The following AGBL1 variants were observed in gnomAD, a reference collection of about 807,000 sequenced individuals.
AGBL1 encodes AGBL carboxypeptidase 1, also known as cytosolic carboxypeptidase 4.
Under a neutral mutation model 118.9 loss-of-function variants are expected in AGBL1, and 130 were observed. The observed-to-expected ratio is 1.09, with a 90% confidence interval of 0.95 to 1.26. The LOEUF is 1.26. Ranked by LOEUF, AGBL1 falls within the 50% of genes most tolerant of loss-of-function variation. The pLI is 0.00. For synonymous variants in AGBL1, 555 were observed against 478.9 expected (o/e 1.16, Z -2.08); for missense variants, 1,584 against 1,298.1 (o/e 1.22, Z -3.38).
At chr15:86,870,532 G>A (rs907356674) in intron 22 of AGBL1, among the ~76,000 whole-genome samples, 4 of 141,868 alleles carry the variant, frequency 2.8e-5, no homozygotes, top group African/African-American at 1.1e-4. Flanking sequence ...TTTCCCTTTG[G>A]CATTTAAACA....
At chr15:86,397,593 A>T (rs565902475) in intron 18 of AGBL1, 47 bp downstream of exon 18, 2 of 1,525,568 alleles carry the variant, frequency 1.3e-6, no homozygotes, top group African/African-American at 2.7e-5. Context: ...ATGCTACCAC[A>T]GTGACACTGT....
At chr15:86,225,419 C>T (rs1437058161) in intron 6 of AGBL1, among the ~76,000 whole-genome samples, 1 of 152,118 alleles carries the variant, frequency 6.6e-6, no homozygotes, top group African/African-American at 2.4e-5. Flanking sequence ...GCTCATGAGT[C>T]TATATTCTTG....
intron 21 of AGBL1, among the ~76,000 whole-genome samples, chr15:86,566,451 T>G (rs187666511): frequency 6.6e-6 from 1 of 152,286 alleles, no homozygotes; most frequent in African/African-American, 2.4e-5. Flanking sequence ...CTGAGAGGAA[T>G]GTAATACATT....
At chr15:86,246,541 T>C (rs1418642348) in intron 6 of AGBL1, among the ~76,000 whole-genome samples, 2 of 152,112 alleles carry the variant, frequency 1.3e-5, no homozygotes, top group Non-Finnish European at 2.9e-5. Flanking sequence ...TGTTGTCCAT[T>C]GGGTTTTACT....
At chr15:86,742,513 C>G (rs2077694734) in intron 22 of AGBL1, among the ~76,000 whole-genome samples, 1 of 152,132 alleles carries the variant, frequency 6.6e-6, no homozygotes, top group East Asian at 1.9e-4. Context: ...ATCACGAGAT[C>G]AGATTATGGG....
intron 21 of AGBL1, among the ~76,000 whole-genome samples, chr15:86,651,224 A>C (rs113507281): frequency 1.3e-5 from 2 of 152,136 alleles, no homozygotes; most frequent in African/African-American, 4.8e-5. Context: ...ATTTTTAACC[A>C]GTGTTATTCC....
At chr15:86,584,450 C>T (rs890864480) in intron 21 of AGBL1, among the ~76,000 whole-genome samples, 1 of 152,096 alleles carries the variant, frequency 6.6e-6, no homozygotes, top group African/African-American at 2.4e-5. Context: ...GGAGTACTTT[C>T]CCCATTGCTT....
chr15:86,379,816 GT>G (rs2081088141), intron 17 of AGBL1, among the ~76,000 whole-genome samples: 6 of 152,186 alleles, frequency 3.9e-5, no homozygotes, highest in Admixed American at 3.9e-4. Flanking sequence ...TTCAGAGCTG[GT>G]TTCAAGGGCT....
intron 5 of AGBL1, among the ~76,000 whole-genome samples, chr15:86,159,262 G>A (rs2077234090): frequency 1.3e-5 from 2 of 152,204 alleles, no homozygotes; most frequent in East Asian, 1.9e-4. Context: ...TTTCAGACGA[G>A]CAAGTTAAAA....
chr15:86,746,490 C>A (rs1237517725), intron 22 of AGBL1, among the ~76,000 whole-genome samples: 3 of 151,980 alleles, frequency 2.0e-5, no homozygotes, highest in African/African-American at 4.8e-5. Flanking sequence ...AGAGCTCAGG[C>A]CTAGACTTAT....
intron 5 of AGBL1, among the ~76,000 whole-genome samples, chr15:86,191,348 CA>C (rs869108108): frequency 2.1e-3 from 135 of 65,100 alleles, no homozygotes; most frequent in Middle Eastern, 9.3e-3. Context: ...AACTTTGTCT[CA>C]AAAAAAAAAA....
chr15:86,280,311 A>G (rs376203766), intron 16 of AGBL1, among the ~76,000 whole-genome samples: 2 of 152,172 alleles, frequency 1.3e-5, no homozygotes, highest in East Asian at 1.9e-4. Context: ...GGAAGAGAAA[A>G]GTGTAAGAAT....
intron 22 of AGBL1, among the ~76,000 whole-genome samples, chr15:86,734,070 G>C (rs998078287): frequency 6.6e-6 from 1 of 152,064 alleles, no homozygotes; most frequent in African/African-American, 2.4e-5. Context: ...ACCGTTCTTT[G>C]TACTGGACCC....
intron 23 of AGBL1, among the ~76,000 whole-genome samples, chr15:86,966,681 T>C (rs1291876443): frequency 6.6e-6 from 1 of 152,178 alleles, no homozygotes; most frequent in Non-Finnish European, 1.5e-5. Context: ...CTGCATAGTA[T>C]TGCATGGTGT....
chr15:87,002,109 T>C (rs1229273414), intron 24 of AGBL1, among the ~76,000 whole-genome samples: 3 of 152,090 alleles, frequency 2.0e-5, no homozygotes, highest in Non-Finnish European at 4.4e-5. Flanking sequence ...TTTATGGTTT[T>C]AGGTCTAACA....
intron 23 of AGBL1, among the ~76,000 whole-genome samples, chr15:86,967,689 CTG>C (rs1486678908): frequency 1.3e-5 from 2 of 152,104 alleles, no homozygotes; most frequent in African/African-American, 4.8e-5. Flanking sequence ...TTCTATATCT[CTG>C]TTTTGGTACC....
intron 18 of AGBL1, among the ~76,000 whole-genome samples, chr15:86,452,676 G>C (rs1487189774): frequency 6.6e-6 from 1 of 152,116 alleles, no homozygotes; most frequent in Non-Finnish European, 1.5e-5. Context: ...CTCAGTGATG[G>C]TAAACACCAA....
chr15:86,470,347 T>A (rs1007136490), intron 18 of AGBL1, among the ~76,000 whole-genome samples: 3 of 152,204 alleles, frequency 2.0e-5, no homozygotes, highest in African/African-American at 7.2e-5. Flanking sequence ...CCATTGTCTG[T>A]CCTTGGCACT....
intron 5 of AGBL1, chr15:86,173,087 TTTTCTTGGTGATTCGTGA>T (rs1357253442): frequency 2.0e-5 from 3 of 152,164 alleles, no homozygotes; most frequent in Non-Finnish European, 4.4e-5. Context: ...TTGATTTGTG[TTTTCTTGGTGATTCGTGA>T]TAGTGAGCAT....
Sources: gnomAD v4.1 joint callset for allele counts (sites outside exome capture counted in the v4.1 genomes callset) on GRCh38, gnomAD v4.1.1 for gene constraint, MANE v1.5 for transcripts, NCBI Gene and HGNC (gene_info 2026-07-23, HGNC 2026-07-21) for gene names.